The following MPPED1 variants were observed in gnomAD, a reference collection of about 807,000 sequenced individuals.
MPPED1 encodes metallophosphoesterase domain containing 1.
In MPPED1, 16 loss-of-function variants were observed where a neutral mutation model predicts 36.2. That is an observed-to-expected ratio of 0.44 (90% CI 0.30 to 0.67). The LOEUF (loss-of-function observed/expected upper bound fraction) is 0.67, where lower values mean the gene tolerates loss of function less well. Ranked by LOEUF, MPPED1 falls within the 30% of genes least tolerant of loss-of-function variation. MPPED1 has a pLI of 0.10. For synonymous variants in MPPED1, 199 were observed against 191.3 expected (o/e 1.04, Z -0.33); for missense variants, 307 against 453.4 (o/e 0.68, Z 2.93).
chr22:43,472,361 C>A (rs1214690673), intron 3 of MPPED1, among the ~76,000 whole-genome samples: 1 of 152,168 alleles, frequency 6.6e-6, no homozygotes, highest in Non-Finnish European at 1.5e-5. Flanking sequence ...AAATTTTGTA[C>A]ATTTCCATTG....
At chr22:43,471,749 C>T (rs927225787) in intron 3 of MPPED1, among the ~76,000 whole-genome samples, 10 of 152,300 alleles carry the variant, frequency 6.6e-5, no homozygotes, top group South Asian at 2.1e-4. Context: ...AGGCTTCATT[C>T]GCCAGACTCC....
At chr22:43,420,368 G>A (rs1439677936) in intron 1 of MPPED1, among the ~76,000 whole-genome samples, 3 of 152,076 alleles carry the variant, frequency 2.0e-5, no homozygotes, top group Admixed American at 1.3e-4. Context: ...CCCAGGTCGG[G>A]GTGTCATTGG....
intron 3 of MPPED1, among the ~76,000 whole-genome samples, chr22:43,471,756 C>G (rs1375173763): frequency 6.6e-6 from 1 of 152,244 alleles, no homozygotes; most frequent in Non-Finnish European, 1.5e-5. Context: ...ATTCGCCAGA[C>G]TCCTGCTGGG....
At chr22:43,497,481 T>G (rs1371010410) in intron 4 of MPPED1, among the ~76,000 whole-genome samples, 1 of 152,088 alleles carries the variant, frequency 6.6e-6, no homozygotes, top group Non-Finnish European at 1.5e-5. Flanking sequence ...TCACTGTTTA[T>G]ACACAGGGAT....
intron 4 of MPPED1, among the ~76,000 whole-genome samples, chr22:43,493,186 A>T (rs187172716): frequency 5.3e-5 from 8 of 152,302 alleles, no homozygotes; most frequent in Admixed American, 4.6e-4. Flanking sequence ...GGGTTTGAGA[A>T]TGACTTCTCC....
At chr22:43,477,949 G>A (rs1224361587) in intron 4 of MPPED1, among the ~76,000 whole-genome samples, 1 of 152,206 alleles carries the variant, frequency 6.6e-6, no homozygotes, top group African/African-American at 2.4e-5. Context: ...TCAAAGGAAG[G>A]CCCTGGAGAG....
At chr22:43,442,908 G>A (rs2146843449) in intron 3 of MPPED1, among the ~76,000 whole-genome samples, 1 of 152,306 alleles carries the variant, frequency 6.6e-6, no homozygotes. Context: ...GCGGGGCTGT[G>A]ACTGCTGGGG....
intron 1 of MPPED1, among the ~76,000 whole-genome samples, chr22:43,419,916 C>G (rs1359872361): frequency 6.6e-6 from 1 of 152,076 alleles, no homozygotes; most frequent in East Asian, 1.9e-4. Flanking sequence ...ACCCAAGGAA[C>G]AACAAATAAA....
chr22:43,502,499 G>C lies in MPPED1; in HGVS notation c.749-145G>C. 3.1e-6 allele frequency: 2 copies of C among 635,864 alleles called. No homozygotes were observed. Among genetic ancestry groups the C allele is most frequent in the Non-Finnish European group, 5.5e-6 (2 of 362,672 alleles). 39.4% of individuals were successfully genotyped at this position (635,864 alleles called of 1,614,324 possible). On this transcript the variant is annotated intron_variant, in intron 5 of 6. Coordinates refer to ENST00000443721, the MANE Select transcript of MPPED1 (RefSeq NM_001044370.2). This position sits in a 1 kb window ranked among gnomAD's most constrained non-coding sequence, Gnocchi z 5.5. ...AAGCCTGAGGCAGGGCAGGGTTCCG[G>C]AGAGCTTGCTAGGGGAGAGTGGTGC...
chr22:43,496,025 ATGGTGGAGGTGG>A (rs1569089319), intron 4 of MPPED1, among the ~76,000 whole-genome samples: 1 of 26,012 alleles, frequency 3.8e-5, no homozygotes, highest in Non-Finnish European at 7.8e-5. Flanking sequence ...GGAGGTGGTG[ATGGTGGAGGTGG>A]TGGTGGTGGA....
intron 3 of MPPED1, among the ~76,000 whole-genome samples, chr22:43,439,137 C>T (rs1015115964): frequency 2.0e-5 from 3 of 152,198 alleles, no homozygotes; most frequent in African/African-American, 4.8e-5. Context: ...CTGTGAGGTG[C>T]GTTGCTGTCA....
intron 2 of MPPED1, 26 bp downstream of exon 2, chr22:43,425,235 TG>T: frequency 1.1e-5 from 5 of 439,136 alleles, no homozygotes; most frequent in Non-Finnish European, 1.7e-5. Context: ...GGGGTGGGGG[TG>T]GGGGCGGTGA....
intron 4 of MPPED1, among the ~76,000 whole-genome samples, chr22:43,484,487 C>T (rs1322078777): frequency 6.6e-6 from 1 of 152,114 alleles, no homozygotes. Flanking sequence ...CTCTGGCAGT[C>T]CCTGCTGAGC....
intron 3 of MPPED1, among the ~76,000 whole-genome samples, chr22:43,470,157 T>C (rs1377985919): frequency 6.6e-6 from 1 of 151,980 alleles, no homozygotes; most frequent in East Asian, 1.9e-4. Context: ...TATACATCTA[T>C]ATATCCATAC....
intron 5 of MPPED1, among the ~76,000 whole-genome samples, chr22:43,500,214 G>A (rs1447919624): frequency 2.1e-5 from 2 of 97,446 alleles, no homozygotes; most frequent in African/African-American, 5.2e-5. Context: ...GGAGGTGGTG[G>A]GGGTGATGGT....
intron 1 of MPPED1, among the ~76,000 whole-genome samples, chr22:43,412,739 G>A (rs4822287): frequency 6.6e-6 from 1 of 151,596 alleles, no homozygotes; most frequent in Non-Finnish European, 1.5e-5. Context: ...TCTGCTATGT[G>A]CTCGGCCAGG....
intron 2 of MPPED1, among the ~76,000 whole-genome samples, chr22:43,429,028 G>C (rs1331069207): frequency 6.6e-6 from 1 of 152,166 alleles, no homozygotes; most frequent in Non-Finnish European, 1.5e-5. Flanking sequence ...GCAGAGACTT[G>C]AGTCATCGCT....
intron 1 of MPPED1, among the ~76,000 whole-genome samples, chr22:43,415,869 C>T (rs5751492): frequency 0.22 from 32,901 of 152,182 alleles, 4,856 homozygotes; most frequent in East Asian, 0.61. Flanking sequence ...TGAGGCTCAG[C>T]GTTGATGCAC....
At chr22:43,490,452 G>A (rs1932047525) in intron 4 of MPPED1, among the ~76,000 whole-genome samples, 2 of 152,172 alleles carry the variant, frequency 1.3e-5, no homozygotes, top group Non-Finnish European at 2.9e-5. Flanking sequence ...CAAGAAGCTG[G>A]CGGGAAACTG....
Sources: gnomAD v4.1 joint callset for allele counts (sites outside exome capture counted in the v4.1 genomes callset) on GRCh38, gnomAD v4.1.1 for gene constraint, Gnocchi (gnomAD v3.1) non-coding constraint, MANE v1.5 for transcripts, NCBI Gene and HGNC (gene_info 2026-07-23, HGNC 2026-07-21) for gene names.